Variants in LRRC4C observed in about 807,000 individuals in gnomAD.
LRRC4C encodes leucine rich repeat containing 4C.
Under a neutral mutation model 33.6 loss-of-function variants are expected in LRRC4C, and 5 were observed. The ratio of observed to expected loss-of-function variants is 0.15; its 90% CI spans 0.08 to 0.31. The LOEUF (loss-of-function observed/expected upper bound fraction) is 0.31. Among genes scored for constraint, LRRC4C ranks in the 10% least tolerant of loss-of-function variants. The probability of loss-of-function intolerance (pLI) is 1.00; values close to 1 mark genes in which losing one functional copy is unlikely to be tolerated. For synonymous variants in LRRC4C, 329 were observed against 302.0 expected (o/e 1.09, Z -0.93); for missense variants, 560 against 796.7 (o/e 0.70, Z 3.58).
intron 1 of LRRC4C, among the ~76,000 whole-genome samples, chr11:40,998,885 A>G (rs1854165666): frequency 2.0e-5 from 3 of 152,018 alleles, no homozygotes; most frequent in Non-Finnish European, 2.9e-5. Flanking sequence ...ACCCAACCCA[A>G]ATGATTTGAA....
chr11:40,164,051 T>G, intron 5 of LRRC4C, among the ~76,000 whole-genome samples: 1 of 152,172 alleles, frequency 6.6e-6, no homozygotes, highest in Admixed American at 6.5e-5. Flanking sequence ...AAAACTTAGC[T>G]TCCATGTGGT....
chr11:40,619,768 G>A (rs1962256884), intron 3 of LRRC4C, among the ~76,000 whole-genome samples: 1 of 151,016 alleles, frequency 6.6e-6, no homozygotes, highest in Non-Finnish European at 1.5e-5. Context: ...CTCAGGATAG[G>A]AAATTTCAAC....
At position 40,943,981 on chromosome 11, in the gene LRRC4C, A is replaced by G. The variant is rs554565942; in HGVS notation, c.-495-10258T>C. 4.6e-5 allele frequency among the ~76,000 whole-genome samples: 7 copies of G among 152,282 alleles called. No individual in the cohort carries two copies. In the South Asian group the frequency reaches 1.5e-3, roughly 32 times the overall value. On this transcript the variant is annotated intron_variant, in intron 1 of 6. Transcript: ENST00000528697. ...TTAGTCAAAATGCTTAACTTCACCA[A>G]GCTTTAGTTTCCTTAATTGGAATAG...
chr11:40,946,985 G>A (rs903011921), intron 1 of LRRC4C, among the ~76,000 whole-genome samples: 1 of 152,118 alleles, frequency 6.6e-6, no homozygotes, highest in African/African-American at 2.4e-5. Context: ...ACACAATTAT[G>A]TAGAAATTAA....
At chr11:40,645,714 G>A (rs557206993) in intron 3 of LRRC4C, among the ~76,000 whole-genome samples, 1 of 152,074 alleles carries the variant, frequency 6.6e-6, no homozygotes, top group Non-Finnish European at 1.5e-5. Flanking sequence ...TAGTTTTCAG[G>A]CTGTAACACT....
At chr11:40,630,932 C>T (rs1271151552) in intron 3 of LRRC4C, among the ~76,000 whole-genome samples, 1 of 152,140 alleles carries the variant, frequency 6.6e-6, no homozygotes, top group African/African-American at 2.4e-5. Context: ...GGCACAGTTT[C>T]TGTGCATCTT....
intron 3 of LRRC4C, among the ~76,000 whole-genome samples, chr11:40,554,104 G>A (rs72885188): frequency 0.03 from 4,618 of 152,206 alleles, 178 homozygotes; most frequent in African/African-American, 0.094. Context: ...TCCATCCTGA[G>A]TTAATTTTTT....
intron 1 of LRRC4C, among the ~76,000 whole-genome samples, chr11:41,333,388 C>A (rs1212532127): frequency 1.3e-5 from 2 of 152,054 alleles, no homozygotes; most frequent in East Asian, 3.9e-4. Context: ...AATAATAAGG[C>A]TTTCAAAATA....
chr11:40,440,045 TAGAG>T (rs1258160347), intron 3 of LRRC4C, among the ~76,000 whole-genome samples: 5 of 152,218 alleles, frequency 3.3e-5, no homozygotes, highest in African/African-American at 1.2e-4. Flanking sequence ...ACAGTTGCAA[TAGAG>T]ATAGTCTGGC....
chr11:40,619,711 G>GT (rs1157246259), intron 3 of LRRC4C, among the ~76,000 whole-genome samples: 1 of 151,568 alleles, frequency 6.6e-6, no homozygotes, highest in Non-Finnish European at 1.5e-5. Context: ...CTCTTGGTAT[G>GT]TTTTTGCTTT....
intron 5 of LRRC4C, among the ~76,000 whole-genome samples, chr11:40,183,762 A>G (rs148535944): frequency 8.1e-4 from 123 of 152,356 alleles, no homozygotes; most frequent in African/African-American, 2.9e-3. Context: ...CCAACTTTAC[A>G]TGGTATACCT....
chr11:41,030,542 A>G (rs1399758209), intron 1 of LRRC4C, among the ~76,000 whole-genome samples: 1 of 151,848 alleles, frequency 6.6e-6, no homozygotes, highest in Non-Finnish European at 1.5e-5. Context: ...AAGTCATAGA[A>G]CATGCTAAAG....
chr11:40,700,359 T>C (rs1945808932), intron 2 of LRRC4C, among the ~76,000 whole-genome samples: 1 of 152,180 alleles, frequency 6.6e-6, no homozygotes, highest in African/African-American at 2.4e-5. Flanking sequence ...CATTTTGGTG[T>C]ATAAAATAAG....
intron 2 of LRRC4C, among the ~76,000 whole-genome samples, chr11:40,740,379 A>T (rs550087455): frequency 2.6e-5 from 4 of 151,928 alleles, no homozygotes; most frequent in African/African-American, 4.8e-5. Context: ...ATGATATATT[A>T]TTAGAGTTTT....
At chr11:40,394,040 A>C (rs1050674514) in intron 3 of LRRC4C, among the ~76,000 whole-genome samples, 1 of 152,090 alleles carries the variant, frequency 6.6e-6, no homozygotes, top group African/African-American at 2.4e-5. Context: ...GGATAAAAAT[A>C]GGCCAAAATG....
intron 5 of LRRC4C, among the ~76,000 whole-genome samples, chr11:40,237,337 C>T (rs183846913): frequency 4.6e-5 from 7 of 152,340 alleles, no homozygotes; most frequent in African/African-American, 1.4e-4. Flanking sequence ...GAGGTCAGCA[C>T]TTTCACTGCA....
intron 1 of LRRC4C, among the ~76,000 whole-genome samples, chr11:41,102,833 A>G (rs1941273411): frequency 6.6e-6 from 1 of 152,042 alleles, no homozygotes; most frequent in South Asian, 2.1e-4. Flanking sequence ...AGGAACAAAG[A>G]ATGCTAATGT....
intron 1 of LRRC4C, among the ~76,000 whole-genome samples, chr11:41,331,431 T>C (rs1011705064): frequency 1.3e-5 from 2 of 152,216 alleles, no homozygotes; most frequent in Admixed American, 6.5e-5. Context: ...GTAGATTTCA[T>C]AGTTTTTAAT....
intron 2 of LRRC4C, among the ~76,000 whole-genome samples, chr11:40,876,450 G>T (rs12286008): frequency 6.6e-6 from 1 of 151,890 alleles, no homozygotes; most frequent in Non-Finnish European, 1.5e-5. Context: ...GTTTGGCTTC[G>T]AATGCAGCCA....
Sources: allele counts gnomAD v4.1 joint callset (sites outside exome capture counted in the v4.1 genomes callset), GRCh38; gene constraint gnomAD v4.1.1; transcripts MANE v1.5; gene names NCBI Gene and HGNC (gene_info 2026-07-23, HGNC 2026-07-21).